ASTN2: variants seen among roughly 807,000 people sequenced by gnomAD.
ASTN2 encodes the protein astrotactin 2.
In ASTN2, 54 loss-of-function variants were observed where a neutral mutation model predicts 139.8. The observed-to-expected ratio is 0.39, with a 90% confidence interval of 0.31 to 0.48. The LOEUF (loss-of-function observed/expected upper bound fraction) is 0.48. Among genes scored for constraint, ASTN2 ranks in the 20% least tolerant of loss-of-function variants. ASTN2 has a pLI of 0.95. For missense variants in ASTN2, 1,565 were observed against 1,725.1 expected (o/e 0.91, Z 1.64); for synonymous variants, 756 against 719.5 (o/e 1.05, Z -0.81).
chr9:116,880,182 C>A (rs1345504713), intron 10 of ASTN2, among the ~76,000 whole-genome samples: 1 of 152,130 alleles, frequency 6.6e-6, no homozygotes, highest in African/African-American at 2.4e-5. Flanking sequence ...TGCTAACACA[C>A]CTATGTTTGT....
chr9:116,453,499 T>C (rs1348511745), intron 20 of ASTN2, among the ~76,000 whole-genome samples: 1 of 133,968 alleles, frequency 7.5e-6, no homozygotes, highest in Admixed American at 9.1e-5. Context: ...GAGGCTGAGG[T>C]GGAAGAATGA....
chr9:116,921,234 C>T (rs529208051), intron 10 of ASTN2, among the ~76,000 whole-genome samples: 24 of 152,240 alleles, frequency 1.6e-4, no homozygotes, highest in African/African-American at 5.3e-4. Flanking sequence ...CCATGAGAAA[C>T]AGCCACCATG....
intron 10 of ASTN2, among the ~76,000 whole-genome samples, chr9:116,955,547 A>T (rs552291114): frequency 2.7e-4 from 41 of 152,350 alleles, no homozygotes; most frequent in Middle Eastern, 3.4e-3. Flanking sequence ...GTCAGTTATT[A>T]TAGTAAACCT....
rs145612051 is a variant in ASTN2, at chr9:117,008,129, C to T, written c.1554G>A (p.Thr518=). The stretch of plus-strand genomic sequence containing the variant: ...CGCAGAGCTGCTCACAGGCATCTGT[C>T]GTCCTTTGTCCACAGAGGTCCCTCA... ...PWVRDLCGQR[T]TDACEQLCDP... Residue 518 remains threonine (T), a synonymous_variant, in exon 7 of 23, where the codon ACG becomes ACA. Transcript: ENST00000313400. The T allele has an allele frequency of 1.2e-5, 19 of 1,608,354 alleles. No homozygotes were observed. In the African/African-American group the frequency reaches 1.2e-4, roughly 10 times the overall value.
Position 116,948,785 on chromosome 9 carries a change from G to GTTTTTTTTTTTTTTTTTTTT in ASTN2, c.1889+26403_1889+26422dup, listed in dbSNP as rs58832163. 1.2e-3 allele frequency among the ~76,000 whole-genome samples: 59 copies of GTTTTTTTTTTTTTTTTTTTT among 49,466 alleles called. 12 individuals are homozygous for GTTTTTTTTTTTTTTTTTTTT. The highest frequency in any genetic ancestry group is 3.4e-3 in the African/African-American group (39 of 11,586). 32.5% of individuals were successfully genotyped at this position (49,466 alleles called of 152,430 possible). On this transcript the variant is annotated intron_variant, in intron 10 of 22. Transcript: ENST00000313400. The stretch of plus-strand genomic sequence containing the variant: ...AGAGAGAGGAGAGAAATAATTTGGT[G>GTTTTTTTTTTTTTTTTTTTT]TTTTTTTTTTTTTTTTTTTTTTTTT...
At chr9:117,052,439 A>C (rs1447608889) in intron 5 of ASTN2, among the ~76,000 whole-genome samples, 2 of 151,634 alleles carry the variant, frequency 1.3e-5, no homozygotes, top group Non-Finnish European at 2.9e-5. Context: ...CATCTTAAAA[A>C]AAAAAAAAAA....
rs567585914 is a variant in ASTN2 at position 117,073,980 on chromosome 9, G to T, written c.1276+22064C>A. Reference sequence around the variant, plus strand: ...CTGGGGGAGTCACTCATCACTGAAGGGCAGCAGTTCACTTGATTCACACAA... The same window carrying T: ...CTGGGGGAGTCACTCATCACTGAAGTGCAGCAGTTCACTTGATTCACACAA... On this transcript the variant is annotated intron_variant, in intron 5 of 22. Transcript: ENST00000313400. 3.8e-4 allele frequency among the ~76,000 whole-genome samples: 58 copies of T among 152,172 alleles called. 1 individual carries two copies. In the South Asian group the frequency reaches 0.012, roughly 31 times the overall value.
intron 6 of ASTN2, among the ~76,000 whole-genome samples, chr9:117,009,073 G>A (rs900708332): frequency 7.9e-5 from 12 of 152,226 alleles, no homozygotes; most frequent in Non-Finnish European, 7.4e-5. Flanking sequence ...AACACTGTAG[G>A]CTCCATTAAA....
chr9:116,581,216 G>A (rs1853938225), intron 19 of ASTN2, among the ~76,000 whole-genome samples: 1 of 152,078 alleles, frequency 6.6e-6, no homozygotes, highest in Non-Finnish European at 1.5e-5. Context: ...TGGATATTTT[G>A]CCATCAAGCT....
chr9:116,425,482 G>T lies in ASTN2; in HGVS notation c.*369C>A. ...CATAGGTCTCCTCCAGGGGTCCATG[G>T]CAGGAAGAAAGCAGAGTGTGGCAGG... On this transcript the variant is annotated 3_prime_UTR_variant, in exon 23 of 23. Transcript: ENST00000313400. 1 of 1,367,030 alleles carries T rather than the reference G, an allele frequency of 7.3e-7. No individual in the cohort carries two copies. Among genetic ancestry groups the T allele is most frequent in the Non-Finnish European group, 1.0e-6 (1 of 969,128 alleles). The allele number at this position is 1,367,030 out of a possible 1,614,324, so 84.7% of individuals were successfully genotyped here.
At chr9:117,412,367 G>A (rs1831192110) in intron 1 of ASTN2, among the ~76,000 whole-genome samples, 1 of 152,174 alleles carries the variant, frequency 6.6e-6, no homozygotes, top group African/African-American at 2.4e-5. Context: ...CATCAGAGGA[G>A]GGGGAAGTCT....
intron 13 of ASTN2, among the ~76,000 whole-genome samples, chr9:116,775,903 G>A (rs1268718905): frequency 6.6e-6 from 1 of 152,128 alleles, no homozygotes; most frequent in African/African-American, 2.4e-5. Flanking sequence ...CATCTCAAAG[G>A]AGGACAAATC....
rs138780438 is a variant in ASTN2 at position 116,750,804 on chromosome 9, A to G, written c.2397-17281T>C. 4.7e-4 allele frequency among the ~76,000 whole-genome samples: 71 copies of G among 152,316 alleles called. No individual in the cohort carries two copies. The East Asian group carries it at 0.01, about 22-fold the overall frequency. ...GCTTCATAACAAAGGTGAAGTGTAC[A>G]TGCTGTTACAGGACAGCTGGAAATT... On this transcript the variant is annotated intron_variant, in intron 13 of 22. Coordinates refer to ENST00000313400, the MANE Select transcript of ASTN2 (RefSeq NM_001365068.1).
chr9:117,138,479 C>T (rs892639656), intron 4 of ASTN2, among the ~76,000 whole-genome samples: 2 of 152,104 alleles, frequency 1.3e-5, no homozygotes, highest in African/African-American at 2.4e-5. Flanking sequence ...AAATGATGTT[C>T]GAAAAGAGGG....
chr9:116,834,073 G>A (rs1371226735), intron 11 of ASTN2, among the ~76,000 whole-genome samples: 2 of 152,204 alleles, frequency 1.3e-5, no homozygotes, highest in African/African-American at 4.8e-5. Context: ...ATGTTATTTT[G>A]CTACAGCAGT....
At chr9:117,123,586 C>T (rs921348614) in intron 4 of ASTN2, among the ~76,000 whole-genome samples, 4 of 152,142 alleles carry the variant, frequency 2.6e-5, no homozygotes, top group Non-Finnish European at 5.9e-5. Context: ...ACACACGATG[C>T]TAGTGTTACT....
intron 3 of ASTN2, among the ~76,000 whole-genome samples, chr9:117,193,639 CAAAAAA>C (rs61700943): frequency 2.8e-5 from 3 of 106,108 alleles, no homozygotes; most frequent in South Asian, 3.4e-4. Flanking sequence ...ATTCAGTCAC[CAAAAAA>C]AAAAAAAAAA....
At chr9:117,344,629 G>A (rs1829159835) in intron 1 of ASTN2, among the ~76,000 whole-genome samples, 1 of 152,052 alleles carries the variant, frequency 6.6e-6, no homozygotes, top group Non-Finnish European at 1.5e-5. Context: ...TGTATGAGAA[G>A]AAGCATGTTT....
intron 2 of ASTN2, among the ~76,000 whole-genome samples, chr9:117,269,109 G>A (rs567128496): frequency 4.6e-5 from 7 of 152,204 alleles, no homozygotes; most frequent in African/African-American, 1.4e-4. Context: ...AGGTATTCTC[G>A]CCAGTGAGGG....
Sources: gnomAD v4.1 joint callset for allele counts (sites outside exome capture counted in the v4.1 genomes callset) on GRCh38, gnomAD v4.1.1 for gene constraint, MANE v1.5 for transcripts, NCBI Gene and HGNC (gene_info 2026-07-23, HGNC 2026-07-21) for gene names.